The following AGTPBP1 variants were observed in gnomAD, a reference collection of about 807,000 sequenced individuals.
The protein encoded by AGTPBP1 is cytosolic carboxypeptidase 1.
In AGTPBP1, 70 loss-of-function variants were observed where a neutral mutation model predicts 143.9. The observed-to-expected ratio is 0.49, with a 90% CI of 0.40 to 0.59. The LOEUF is 0.59. AGTPBP1 is among the 20% of genes least tolerant of loss of function. The pLI is 0.00. For missense variants in AGTPBP1, 1,229 were observed against 1,464.5 expected (o/e 0.84, Z 2.62); for synonymous variants, 463 against 500.2 (o/e 0.93, Z 0.99).
At chr9:85,688,002 A>T (rs1835593794) in intron 3 of AGTPBP1, among the ~76,000 whole-genome samples, 1 of 150,974 alleles carries the variant, frequency 6.6e-6, no homozygotes, top group Admixed American at 6.6e-5. Flanking sequence ...AGGCAGGAGA[A>T]TCACTTGAAC....
chr9:85,803,944 A>G, the AGTPBP1 span, among the ~76,000 whole-genome samples: 2 of 152,062 alleles, frequency 1.3e-5, no homozygotes, highest in Admixed American at 1.3e-4. Context: ...CAATTAATCA[A>G]TCAGTTAGCA....
intron 17 of AGTPBP1, among the ~76,000 whole-genome samples, chr9:85,615,023 A>T (rs1228421400): frequency 6.6e-6 from 1 of 152,158 alleles, no homozygotes; most frequent in African/African-American, 2.4e-5. Flanking sequence ...GCAGTTGTAA[A>T]TGTGAAATGT....
chr9:85,713,999 C>T (rs574434975), intron 1 of AGTPBP1, among the ~76,000 whole-genome samples: 35 of 152,290 alleles, frequency 2.3e-4, no homozygotes, highest in Admixed American at 2.0e-3. Flanking sequence ...ACTATTAATA[C>T]ACTAACAGCA....
chr9:85,732,726 C>A (rs1445634934), intron 1 of AGTPBP1, among the ~76,000 whole-genome samples: 2 of 152,002 alleles, frequency 1.3e-5, no homozygotes, highest in African/African-American at 4.8e-5. Flanking sequence ...TGTATGTTGT[C>A]TGCAGGAGAC....
intron 17 of AGTPBP1, among the ~76,000 whole-genome samples, chr9:85,604,487 T>G (rs893067441): frequency 6.6e-6 from 1 of 152,138 alleles, no homozygotes; most frequent in Non-Finnish European, 1.5e-5. Context: ...CTTTGAATAT[T>G]TGGAAACCCT....
chr9:85,722,090 G>C (rs1325846840), intron 1 of AGTPBP1, among the ~76,000 whole-genome samples: 1 of 152,074 alleles, frequency 6.6e-6, no homozygotes, highest in African/African-American at 2.4e-5. Context: ...TTTCTCTCTG[G>C]CTGCCCTTAA....
At chr9:85,721,899 G>T (rs568325541) in intron 1 of AGTPBP1, among the ~76,000 whole-genome samples, 1 of 152,148 alleles carries the variant, frequency 6.6e-6, no homozygotes, top group East Asian at 1.9e-4. Flanking sequence ...TTGCTTGTCT[G>T]TAAAGGATTT....
At chr9:85,721,999 C>T (rs1458487943) in intron 1 of AGTPBP1, among the ~76,000 whole-genome samples, 1 of 152,154 alleles carries the variant, frequency 6.6e-6, no homozygotes, top group Non-Finnish European at 1.5e-5. Flanking sequence ...ATATTAGCCC[C>T]CACTCTCTTC....
upstream of AGTPBP1, among the ~76,000 whole-genome samples, chr9:85,746,197 C>T (rs1435837001): frequency 6.6e-6 from 1 of 152,134 alleles, no homozygotes; most frequent in Non-Finnish European, 1.5e-5. Flanking sequence ...ACCGCCTTCT[C>T]CAACCTGCTG....
At chr9:85,706,509 C>CAAAA (rs781239393) in intron 2 of AGTPBP1, among the ~76,000 whole-genome samples, 1 of 62,254 alleles carries the variant, frequency 1.6e-5, no homozygotes, top group South Asian at 5.4e-4. Context: ...GACTCTGTCT[C>CAAAA]AAAAAAAAAA....
At chr9:85,618,791 T>C (rs574684391) in intron 17 of AGTPBP1, among the ~76,000 whole-genome samples, 192 bp downstream of exon 17, 4 of 152,332 alleles carry the variant, frequency 2.6e-5, no homozygotes, top group Admixed American at 6.5e-5. Flanking sequence ...GACTTGCCTA[T>C]ATAAGAGTAA....
intron 14 of AGTPBP1, among the ~76,000 whole-genome samples, chr9:85,623,807 T>C (rs1010562150): frequency 6.6e-6 from 1 of 151,660 alleles, no homozygotes; most frequent in African/African-American, 2.4e-5. Flanking sequence ...CATGTATTTG[T>C]GTTAAGCAGA....
chr9:85,682,846 C>T (rs1273220944), intron 3 of AGTPBP1, among the ~76,000 whole-genome samples: 1 of 152,130 alleles, frequency 6.6e-6, no homozygotes, highest in Non-Finnish European at 1.5e-5. Context: ...ATGAATCTGA[C>T]ATCACTTGAA....
chr9:85,566,416 G>A (rs1331454769), intron 25 of AGTPBP1, among the ~76,000 whole-genome samples: 3 of 150,956 alleles, frequency 2.0e-5, no homozygotes, highest in Non-Finnish European at 4.4e-5. Flanking sequence ...TGTAGTCCCA[G>A]CTACTTAGGA....
At chr9:85,701,294 A>G (rs780395095) in intron 2 of AGTPBP1, among the ~76,000 whole-genome samples, 1 of 150,674 alleles carries the variant, frequency 6.6e-6, no homozygotes, top group Non-Finnish European at 1.5e-5. Context: ...CAGTGGTGCA[A>G]TCTTGGCTCA....
intron 17 of AGTPBP1, among the ~76,000 whole-genome samples, chr9:85,616,987 G>C (rs1053858199): frequency 3.9e-5 from 6 of 151,924 alleles, no homozygotes; most frequent in African/African-American, 1.4e-4. Context: ...TCTTAGAAAA[G>C]TGTTTATAAC....
chr9:85,646,499 A>AT, intron 11 of AGTPBP1, 81 bp from the exon 12 acceptor site: 1 of 949,224 alleles, frequency 1.1e-6, no homozygotes, highest in Non-Finnish European at 1.7e-6. Context: ...TGTGACTTAT[A>AT]TAAAGTATTT....
intron 10 of AGTPBP1, among the ~76,000 whole-genome samples, chr9:85,655,722 C>G (rs929816914): frequency 6.6e-6 from 1 of 152,016 alleles, no homozygotes; most frequent in Non-Finnish European, 1.5e-5. Flanking sequence ...TTTGACCAAA[C>G]CTTCCTCAGA....
At chr9:85,728,028 TATACACACACACAC>T (rs1838622453) in intron 1 of AGTPBP1, among the ~76,000 whole-genome samples, 1 of 120,824 alleles carries the variant, frequency 8.3e-6, no homozygotes, top group African/African-American at 3.9e-5. Flanking sequence ...TATATATTTA[TATACACACACACAC>T]ACACACACAC....
Sources: gnomAD v4.1 joint callset for allele counts (sites outside exome capture counted in the v4.1 genomes callset) on GRCh38, gnomAD v4.1.1 for gene constraint, MANE v1.5 for transcripts, NCBI Gene and HGNC (gene_info 2026-07-23, HGNC 2026-07-21) for gene names.